Variants in CAMKK2 observed in about 807,000 individuals in gnomAD.
CAMKK2 encodes the protein calcium/calmodulin-dependent protein kinase kinase 2.
Under a neutral mutation model 67.2 loss-of-function variants are expected in CAMKK2, and 30 were observed. That is an observed-to-expected ratio of 0.45 (90% CI 0.33 to 0.61). CAMKK2 has a LOEUF of 0.61. Among genes scored for constraint, CAMKK2 ranks in the 20% least tolerant of loss-of-function variants. The pLI is 0.02. For synonymous variants in CAMKK2, 322 were observed against 326.2 expected (o/e 0.99, Z 0.14); for missense variants, 643 against 802.0 (o/e 0.80, Z 2.39).
rs766586427 is a variant in CAMKK2 at position 121,274,136 on chromosome 12, C to T, written c.391G>A (p.Val131Ile). The T allele has an allele frequency of 1.2e-5, 19 of 1,582,242 alleles. No individual in the cohort carries two copies. Among genetic ancestry groups the T allele is most frequent in the Admixed American group, 7.2e-5 (4 of 55,798 alleles). ...CICPSLPYSP[V>I]SSPQSSPRLP... is the part of the protein sequence containing the mutation. The stretch of plus-strand genomic sequence containing the variant: ...CGAGGCGAGGACTGCGGGGAGCTGA[C>T]GGGTGAGTAGGGCAGGGACGGGCAG... The change falls in exon 2 of 17, where the codon GTC becomes ATC. Residue 131 changes from valine to isoleucine, a missense_variant. This residue lies in a region of CAMKK2 where 483 missense variants were observed against 625.8 expected (regional missense o/e 0.77). Transcript: ENST00000404169.
intron 3 of CAMKK2, chr12:121,269,832 T>A (rs1593406129): frequency 4.9e-6 from 2 of 410,268 alleles, no homozygotes; most frequent in South Asian, 3.9e-5. Context: ...GCGGATCACT[T>A]GAGTTAAGGA....
At chr12:121,255,075 C>G (rs1295014517) in intron 9 of CAMKK2, among the ~76,000 whole-genome samples, 1 of 147,770 alleles carries the variant, frequency 6.8e-6, no homozygotes, top group African/African-American at 2.5e-5. Flanking sequence ...CCTCAAACGT[C>G]AGACTCCACG....
chr12:121,251,364 A>G (rs930788271), intron 11 of CAMKK2, among the ~76,000 whole-genome samples: 4 of 152,210 alleles, frequency 2.6e-5, no homozygotes, highest in African/African-American at 9.6e-5. Flanking sequence ...GCTTTGCTAC[A>G]TGATTGAAAA....
chr12:121,293,322 C>A (rs1003884150), intron 1 of CAMKK2, among the ~76,000 whole-genome samples: 4 of 152,030 alleles, frequency 2.6e-5, no homozygotes, highest in African/African-American at 9.7e-5. Flanking sequence ...CAATATAAGA[C>A]CCTCTGATTT....
At chr12:121,273,909 GC>G in intron 2 of CAMKK2, 146 bp downstream of exon 2, 1 of 601,160 alleles carries the variant, frequency 1.7e-6, no homozygotes, top group Non-Finnish European at 2.7e-6. Context: ...GGCCCCAGCC[GC>G]CCCCAAGGTT....
chr12:121,283,873 CAGG>C (rs1296381527), intron 1 of CAMKK2, among the ~76,000 whole-genome samples: 1 of 152,146 alleles, frequency 6.6e-6, no homozygotes, highest in Non-Finnish European at 1.5e-5. Context: ...ATTTCAGAGC[CAGG>C]AGATTTCAGA....
Position 121,252,658 on chromosome 12 carries a change from T to C in CAMKK2, c.1161+3A>G. 5.0e-6 allele frequency: 8 copies of C among 1,614,124 alleles called. No individual in the cohort carries two copies. Among genetic ancestry groups the C allele is most frequent in the Non-Finnish European group, 6.8e-6 (8 of 1,179,972 alleles). On this transcript the variant is annotated splice_donor_region_variant and intron_variant, in intron 11 of 16. Coordinates refer to ENST00000404169, the MANE Select transcript of CAMKK2 (RefSeq NM_001270485.2). ...TGAGGGGACAGACACCCCGCCCTCT[T>C]ACCTGGCCAAAGACAAAGCAGTATA...
chr12:121,253,454 A>G lies in CAMKK2; in HGVS notation c.926T>C (p.Ile309Thr). 6.2e-7 allele frequency: 1 copy of G among 1,614,132 alleles called. No homozygotes were observed. The highest frequency in any genetic ancestry group is 8.5e-7 in the Non-Finnish European group (1 of 1,180,004). ...GIEYLHYQKIIHRDIKPSNLL... is the reference protein window; with the variant it reads ...GIEYLHYQKITHRDIKPSNLL... ...GTTGGAAGGTTTGATGTCACGGTGG[A>G]TGATCTTCTGGTAGTGTACTGGGGA... is the stretch of plus-strand genomic sequence containing the variant. Residue 309 changes from isoleucine to threonine, a missense_variant, in exon 10 of 17, where the codon ATC becomes ACC. Around this residue, in one of 3 missense-constraint regions of CAMKK2, gnomAD observed 483 missense variants for 625.8 expected, o/e 0.77. Coordinates refer to ENST00000404169, the MANE Select transcript of CAMKK2 (RefSeq NM_001270485.2). This position sits in a 1 kb window ranked among gnomAD's most constrained non-coding sequence, Gnocchi z 5.0.
intron 1 of CAMKK2, among the ~76,000 whole-genome samples, chr12:121,281,146 G>A (rs1169071996): frequency 6.6e-6 from 1 of 152,226 alleles, no homozygotes; most frequent in African/African-American, 2.4e-5. Context: ...TCTCAAGCCA[G>A]CCGACGCTTA....
intron 1 of CAMKK2, among the ~76,000 whole-genome samples, chr12:121,286,825 A>T (rs936996229): frequency 5.3e-5 from 8 of 152,170 alleles, no homozygotes; most frequent in Non-Finnish European, 1.2e-4. Flanking sequence ...ACAAGTGTGA[A>T]TGCTCACTAT....
chr12:121,294,651 G>A (rs1444202018), intron 1 of CAMKK2, among the ~76,000 whole-genome samples: 1 of 152,180 alleles, frequency 6.6e-6, no homozygotes, highest in Non-Finnish European at 1.5e-5. Context: ...GTGTGACCCT[G>A]AGCAAGTTAC....
At chr12:121,272,913 T>C (rs549334508) in intron 2 of CAMKK2, among the ~76,000 whole-genome samples, 1 of 152,060 alleles carries the variant, frequency 6.6e-6, no homozygotes, top group South Asian at 2.1e-4. Flanking sequence ...AAAGGCATCC[T>C]GATGTTGGGT....
rs188180627 is a variant in CAMKK2 at position 121,263,745 on chromosome 12, G to C, written c.759+61C>G. On this transcript the variant is annotated intron_variant, in intron 6 of 16. Transcript: ENST00000404169. Reference sequence around the variant, plus strand: ...GGCTCTCCCTGGAAACCAGTGGCGGGGTGTTTGGGTATTAACAAAGCCAGG... The same window carrying C: ...GGCTCTCCCTGGAAACCAGTGGCGGCGTGTTTGGGTATTAACAAAGCCAGG... 28 of 1,504,502 alleles carry C rather than the reference G, an allele frequency of 1.9e-5. No homozygotes were observed. The East Asian group carries it at 6.3e-4, about 34-fold the overall frequency. 93.2% of individuals were successfully genotyped at this position (1,504,502 alleles called of 1,614,324 possible).
chr12:121,288,715 G>A (rs774583884), intron 1 of CAMKK2, among the ~76,000 whole-genome samples: 3 of 151,952 alleles, frequency 2.0e-5, no homozygotes, highest in African/African-American at 4.8e-5. Context: ...CAACACCTTG[G>A]CCTCCCCACT....
At chr12:121,280,990 G>A (rs865891523) in intron 1 of CAMKK2, among the ~76,000 whole-genome samples, 11 of 150,896 alleles carry the variant, frequency 7.3e-5, no homozygotes, top group East Asian at 1.9e-4. Context: ...ACACCTATTC[G>A]CACACTCCCT....
intron 15 of CAMKK2, 132 bp from the exon 16 acceptor site, chr12:121,244,747 G>T: frequency 1.4e-6 from 1 of 709,922 alleles, no homozygotes; most frequent in Non-Finnish European, 2.4e-6. Flanking sequence ...GGGTGGCGTT[G>T]ACAGCAGATG....
At chr12:121,279,735 C>T (rs1897405815) in intron 1 of CAMKK2, among the ~76,000 whole-genome samples, 1 of 152,234 alleles carries the variant, frequency 6.6e-6, no homozygotes, top group Admixed American at 6.5e-5. Flanking sequence ...TCCCCCAAGG[C>T]CTTGCCTCTA....
At chr12:121,265,079 G>C (rs1273918750) in intron 5 of CAMKK2, among the ~76,000 whole-genome samples, 1 of 152,126 alleles carries the variant, frequency 6.6e-6, no homozygotes, top group Non-Finnish European at 1.5e-5. Flanking sequence ...ATCTAGAAAG[G>C]AGAGGCACTC....
rs765815587 is a variant in CAMKK2 at position 121,274,549 on chromosome 12, A to G, written c.-23T>C. On this transcript the variant is annotated 5_prime_UTR_variant, in exon 2 of 17. Transcript: ENST00000404169. ...CATGGTGCATGCGCCAGCTTCATCC[A>G]GCACACTGGGGCACTCCCATCCGGC... is the stretch of plus-strand genomic sequence containing the variant. The G allele has an allele frequency of 1.3e-6, 2 of 1,559,148 alleles. No homozygotes were observed. The highest frequency in any genetic ancestry group is 2.3e-5 in the East Asian group (1 of 43,924).
Sources: allele counts gnomAD v4.1 joint callset (sites outside exome capture counted in the v4.1 genomes callset), GRCh38; gene constraint gnomAD v4.1.1; regional missense constraint gnomAD v4.1.1; non-coding constraint Gnocchi (gnomAD v3.1); transcripts MANE v1.5; gene names NCBI Gene and HGNC (gene_info 2026-07-23, HGNC 2026-07-21).